Variants in PLCB1 observed in about 807,000 individuals in gnomAD.
PLCB1 encodes the protein 1-phosphatidylinositol 4,5-bisphosphate phosphodiesterase beta-1.
A neutral mutation model predicts 161.8 loss-of-function variants in PLCB1; 46 were observed. That is an observed-to-expected ratio of 0.28 (90% CI 0.22 to 0.36). PLCB1 has a LOEUF of 0.36. Among genes scored for constraint, PLCB1 ranks in the 10% least tolerant of loss-of-function variants. PLCB1 has a pLI of 1.00. For synonymous variants in PLCB1, 517 were observed against 503.7 expected (o/e 1.03, Z -0.35); for missense variants, 1,016 against 1,472.5 (o/e 0.69, Z 5.07).
intron 2 of PLCB1, among the ~76,000 whole-genome samples, chr20:8,231,765 C>T (rs552970384): frequency 1.4e-3 from 212 of 152,110 alleles, no homozygotes; most frequent in African/African-American, 4.3e-3. Context: ...AGGTGTCTCC[C>T]GTGGCCAGTT....
intron 12 of PLCB1, among the ~76,000 whole-genome samples, chr20:8,713,350 C>T (rs920707022): frequency 6.6e-6 from 1 of 152,066 alleles, no homozygotes; most frequent in Non-Finnish European, 1.5e-5. Flanking sequence ...AACTGGCAAA[C>T]TTTTGCATTT....
At chr20:8,471,703 G>T (rs1342229477) in intron 3 of PLCB1, among the ~76,000 whole-genome samples, 1 of 152,058 alleles carries the variant, frequency 6.6e-6, no homozygotes, top group Non-Finnish European at 1.5e-5. Context: ...TTGCAGACTC[G>T]CCTTGTTATG....
intron 4 of PLCB1, among the ~76,000 whole-genome samples, chr20:8,636,804 A>T (rs552197871): frequency 6.6e-6 from 1 of 152,184 alleles, no homozygotes; most frequent in African/African-American, 2.4e-5. Context: ...AATGACTGTG[A>T]TTTCAGACTG....
chr20:8,793,640 A>G (rs1983877542), intron 31 of PLCB1, among the ~76,000 whole-genome samples: 1 of 152,206 alleles, frequency 6.6e-6, no homozygotes, highest in African/African-American at 2.4e-5. Flanking sequence ...AGTACTTAAC[A>G]GGGTAATAGA....
chr20:8,541,562 G>GAAAGAAAGAA (rs1555769018), intron 3 of PLCB1, among the ~76,000 whole-genome samples: 2 of 114,344 alleles, frequency 1.7e-5, no homozygotes, highest in African/African-American at 7.4e-5. Context: ...AAGGAAGAAA[G>GAAAGAAAGAA]AGAAAGAAAG....
rs547077885 is a variant in PLCB1 at position 8,213,431 on chromosome 20, G to A, written c.177+63060G>A. On this transcript the variant is annotated intron_variant, in intron 2 of 31. Transcript: ENST00000338037. ...CCAAAGTAATGGGGGTAGGAAGTGGGCTGGGAGGAAGAGCTTTGAAATCAG... is the reference window on the plus strand; with the variant it reads ...CCAAAGTAATGGGGGTAGGAAGTGGACTGGGAGGAAGAGCTTTGAAATCAG... Among the ~76,000 whole-genome samples, 63 of 152,248 alleles carry A rather than the reference G, an allele frequency of 4.1e-4. No homozygotes were observed. The South Asian group carries it at 0.013, about 31-fold the overall frequency.
At position 8,789,543 on chromosome 20, in the gene PLCB1, T is replaced by C. The variant is rs376179077; in HGVS notation, c.3304T>C (p.Tyr1102His). 2 of 1,611,826 alleles carry C rather than the reference T, an allele frequency of 1.2e-6. No homozygotes were observed. The highest frequency in any genetic ancestry group is 1.3e-5 in the African/African-American group (1 of 74,890). The part of the protein sequence containing the change: ...EEEKTEMIRS[Y>H]IQEVVQYIKR... Reference sequence around the variant, plus strand: ...GGAGAAGACAGAGATGATCCGGTCATATATCCAGGAAGTGGTGCAGTATAT... The same window carrying C: ...GGAGAAGACAGAGATGATCCGGTCACATATCCAGGAAGTGGTGCAGTATAT... The change falls in exon 30 of 32, where the codon TAT (tyrosine) becomes CAT (histidine). Residue 1102 changes from tyrosine to histidine, a missense_variant. By Grantham distance (83) the Tyr-to-His change is moderately conservative. Around this residue, in one of 10 missense-constraint regions of PLCB1, gnomAD observed 398 missense variants for 445.4 expected, o/e 0.89. Transcript: ENST00000338037.
chr20:8,567,842 A>T (rs1050940461), intron 3 of PLCB1, among the ~76,000 whole-genome samples: 3 of 152,206 alleles, frequency 2.0e-5, no homozygotes, highest in Admixed American at 1.3e-4. Context: ...GTTGTTAAAA[A>T]TTTTTAAAGA....
chr20:8,884,713 T>C lies in PLCB1; in HGVS notation c.*2864T>C, dbSNP rs1029629735. Reference sequence around the variant, plus strand: ...TTGCCTTTTAAGAAGAAAAAAAAGATAGGACAAAGTATTTGAAGCTCTTAA... The same window carrying C: ...TTGCCTTTTAAGAAGAAAAAAAAGACAGGACAAAGTATTTGAAGCTCTTAA... On this transcript the variant is annotated 3_prime_UTR_variant, in exon 32 of 32. Transcript: ENST00000338037. 3 of 152,600 alleles carry C rather than the reference T, an allele frequency of 2.0e-5. No homozygotes were observed. Among genetic ancestry groups the C allele is most frequent in the East Asian group, 1.9e-4 (1 of 5,188 alleles). 9.5% of individuals were successfully genotyped at this position (152,600 alleles called of 1,614,324 possible).
chr20:8,848,635 A>G (rs1249342901), intron 31 of PLCB1, among the ~76,000 whole-genome samples: 8 of 152,262 alleles, frequency 5.3e-5, no homozygotes, highest in South Asian at 2.1e-4. Context: ...CTCCATGTGC[A>G]GGAGTCATAG....
At chr20:8,356,850 T>C (rs1376361239) in intron 2 of PLCB1, among the ~76,000 whole-genome samples, 1 of 152,158 alleles carries the variant, frequency 6.6e-6, no homozygotes, top group African/African-American at 2.4e-5. Flanking sequence ...AGAGAATACG[T>C]TGCAAAGATA....
intron 2 of PLCB1, among the ~76,000 whole-genome samples, chr20:8,288,529 G>T (rs1983232033): frequency 6.6e-6 from 1 of 152,136 alleles, no homozygotes; most frequent in African/African-American, 2.4e-5. Context: ...GGAGCTTTGG[G>T]GTAGGAATTG....
At chr20:8,163,552 C>A (rs2051646827) in intron 2 of PLCB1, among the ~76,000 whole-genome samples, 1 of 152,158 alleles carries the variant, frequency 6.6e-6, no homozygotes, top group Admixed American at 6.5e-5. Flanking sequence ...GGAGCCTGCA[C>A]CCATTCACGA....
At chr20:8,563,868 A>T (rs929470183) in intron 3 of PLCB1, among the ~76,000 whole-genome samples, 3 of 152,192 alleles carry the variant, frequency 2.0e-5, no homozygotes, top group Admixed American at 6.5e-5. Flanking sequence ...ATGGAAAAAC[A>T]TCCCATGCTC....
At chr20:8,160,011 A>G (rs1201678890) in intron 2 of PLCB1, among the ~76,000 whole-genome samples, 2 of 151,390 alleles carry the variant, frequency 1.3e-5, no homozygotes, top group Admixed American at 6.6e-5. Context: ...AAAAAAAAGA[A>G]AAAAAGAAAT....
At chr20:8,406,111 A>G (rs1463045764) in intron 3 of PLCB1, among the ~76,000 whole-genome samples, 1 of 151,982 alleles carries the variant, frequency 6.6e-6, no homozygotes, top group African/African-American at 2.4e-5. Context: ...TCATTCCTGC[A>G]TTTTATAGCA....
intron 9 of PLCB1, among the ~76,000 whole-genome samples, chr20:8,668,694 A>G (rs538220870): frequency 6.6e-6 from 1 of 152,302 alleles, no homozygotes; most frequent in South Asian, 2.1e-4. Context: ...ATGCTCTTAG[A>G]AAGTGTTAAT....
At chr20:8,258,050 C>T (rs1981513194) in intron 2 of PLCB1, among the ~76,000 whole-genome samples, 1 of 151,974 alleles carries the variant, frequency 6.6e-6, no homozygotes, top group South Asian at 2.1e-4. Context: ...CAATGAATTA[C>T]CTAGATTTAC....
chr20:8,706,715 C>G (rs2123448063), intron 11 of PLCB1, among the ~76,000 whole-genome samples: 1 of 152,208 alleles, frequency 6.6e-6, no homozygotes, highest in African/African-American at 2.4e-5. Context: ...TTAATAAGCT[C>G]TAGAGTCAGA....
Sources: allele counts gnomAD v4.1 joint callset (sites outside exome capture counted in the v4.1 genomes callset), GRCh38; gene constraint gnomAD v4.1.1; regional missense constraint gnomAD v4.1.1; transcripts MANE v1.5; gene names NCBI Gene and HGNC (gene_info 2026-07-23, HGNC 2026-07-21).